Variants in RBM47 observed in about 807,000 individuals in gnomAD.
RBM47 encodes the protein RNA-binding protein 47.
Under a neutral mutation model 47.1 loss-of-function variants are expected in RBM47, and 21 were observed. The ratio of observed to expected loss-of-function variants is 0.45; its 90% confidence interval spans 0.32 to 0.64. RBM47 has a LOEUF of 0.64. RBM47 is among the 30% of genes least tolerant of loss of function. The pLI is 0.05. For missense variants in RBM47, 708 were observed against 870.9 expected (o/e 0.81, Z 2.35); for synonymous variants, 375 against 361.7 (o/e 1.04, Z -0.42).
chr4:40,436,827 C>T (rs756127499), intron 4 of RBM47, 180 bp from the exon 5 acceptor site: 8 of 713,412 alleles, frequency 1.1e-5, no homozygotes, highest in South Asian at 4.4e-5. Flanking sequence ...GATTTGCATC[C>T]TAAGCATGTC....
rs958985879 is a variant in RBM47 at position 40,425,472 on chromosome 4, A to G, written c.*432T>C. 1 of 156,584 alleles carries G rather than the reference A, an allele frequency of 6.4e-6. No individual in the cohort carries two copies. Among genetic ancestry groups the G allele is most frequent in the Non-Finnish European group, 1.4e-5 (1 of 70,390 alleles). The allele number at this position is 156,584 out of a possible 1,614,324, so 9.7% of individuals were successfully genotyped here. ...CTTTAAATATTGTATATATTTTTCA[A>G]AATAGTTCCCTAGCTCCTCAAGTGT... On this transcript the variant is annotated 3_prime_UTR_variant, in exon 7 of 7. Transcript: ENST00000295971.
chr4:40,440,243 A>G (rs920354360), intron 3 of RBM47, among the ~76,000 whole-genome samples: 117 of 152,316 alleles, frequency 7.7e-4, no homozygotes, highest in African/African-American at 2.6e-3. Context: ...TTCCTACCCA[A>G]TGATAGCACA....
chr4:40,590,877 G>A (rs542469817), intron 1 of RBM47, among the ~76,000 whole-genome samples: 9 of 152,254 alleles, frequency 5.9e-5, no homozygotes, highest in South Asian at 2.1e-4. Flanking sequence ...ATCTTGGCTC[G>A]CTGCAATCTC....
intron 3 of RBM47, among the ~76,000 whole-genome samples, chr4:40,465,218 C>T (rs1028501624): frequency 1.3e-5 from 2 of 152,144 alleles, no homozygotes; most frequent in African/African-American, 2.4e-5. Context: ...CCCTCCCTGA[C>T]ACACCAATAT....
At chr4:40,581,843 C>A (rs1313631224) in intron 1 of RBM47, among the ~76,000 whole-genome samples, 1 of 150,758 alleles carries the variant, frequency 6.6e-6, no homozygotes, top group Non-Finnish European at 1.5e-5. Flanking sequence ...CAGCTGTCTC[C>A]TGAACGCCAG....
Position 40,512,921 on chromosome 4 carries a change from TAA to T in RBM47, c.-155+31499_-155+31500del, listed in dbSNP as rs140465313. Among the ~76,000 whole-genome samples the T allele has an allele frequency of 9.5e-3, 1,451 of 152,224 alleles. 8 individuals are homozygous for T. The highest frequency in any genetic ancestry group is 0.037 in the Middle Eastern group (11 of 294). On this transcript the variant is annotated intron_variant, in intron 2 of 6. Transcript: ENST00000295971. ...TTAGATACAGTAAGTATCAAAATCTTAAAAGAGACATAGGAAAACATTAATCC... is the reference window on the plus strand; with the variant it reads ...TTAGATACAGTAAGTATCAAAATCTTAAGAGACATAGGAAAACATTAATCC...
chr4:40,583,383 T>C (rs1381805995), intron 1 of RBM47, among the ~76,000 whole-genome samples: 1 of 77,658 alleles, frequency 1.3e-5, no homozygotes, highest in East Asian at 3.8e-4. Flanking sequence ...CACTACTCCA[T>C]CTCAGAAAAA....
chr4:40,498,054 T>TTTTATATA (rs1553890649), intron 2 of RBM47, among the ~76,000 whole-genome samples: 7 of 109,870 alleles, frequency 6.4e-5, no homozygotes, highest in African/African-American at 2.2e-4. Context: ...AGTGCTTGTT[T>TTTTATATA]TATATATATA....
Position 40,425,412 on chromosome 4 carries a change from C to T in RBM47, c.*492G>A, listed in dbSNP as rs1225894875. 1 of 153,838 alleles carries T rather than the reference C, an allele frequency of 6.5e-6. No individual in the cohort carries two copies. Among genetic ancestry groups the T allele is most frequent in the African/African-American group, 2.4e-5 (1 of 41,394 alleles). 9.5% of individuals were successfully genotyped at this position (153,838 alleles called of 1,614,324 possible). A position where few individuals can be genotyped will look rare whatever the true frequency, so the allele number is the denominator to read the frequency against. ...TTCCAGTATAACCTTTAAAATAATG[C>T]TTTATGTAGTATTTTTAAGCACTAC... is the stretch of plus-strand genomic sequence containing the variant. On this transcript the variant is annotated 3_prime_UTR_variant, in exon 7 of 7. Transcript: ENST00000295971.
intron 3 of RBM47, among the ~76,000 whole-genome samples, chr4:40,456,309 T>C (rs568764803): frequency 6.6e-6 from 1 of 152,210 alleles, no homozygotes; most frequent in Non-Finnish European, 1.5e-5. Flanking sequence ...AAAAACTTTA[T>C]GTGCCAGAAG....
At chr4:40,625,666 C>T (rs1737674699) in intron 1 of RBM47, among the ~76,000 whole-genome samples, 1 of 152,164 alleles carries the variant, frequency 6.6e-6, no homozygotes, top group East Asian at 1.9e-4. Flanking sequence ...GAGGCTCATT[C>T]AGCGTACACC....
At chr4:40,447,133 C>G (rs1014698757) in intron 3 of RBM47, among the ~76,000 whole-genome samples, 1 of 152,142 alleles carries the variant, frequency 6.6e-6, no homozygotes, top group Admixed American at 6.6e-5. Flanking sequence ...ATGCCAAATC[C>G]CCTGAGGTAG....
chr4:40,563,192 A>G (rs1730796355), intron 1 of RBM47, among the ~76,000 whole-genome samples: 1 of 151,930 alleles, frequency 6.6e-6, no homozygotes, highest in African/African-American at 2.4e-5. Context: ...CTCCATCTCA[A>G]AATAAATAAA....
At chr4:40,603,341 T>A (rs1735452211) in intron 1 of RBM47, among the ~76,000 whole-genome samples, 1 of 152,182 alleles carries the variant, frequency 6.6e-6, no homozygotes, top group South Asian at 2.1e-4. Flanking sequence ...ATTTTTTAAT[T>A]CATCTACTAT....
At chr4:40,435,892 C>T (rs1251403594) in intron 5 of RBM47, among the ~76,000 whole-genome samples, 1 of 151,568 alleles carries the variant, frequency 6.6e-6, no homozygotes, top group Non-Finnish European at 1.5e-5. Flanking sequence ...GGCGCAGTGG[C>T]TCACTCCTCT....
rs1406376190 is a variant in RBM47, at chr4:40,438,134, T to C, written c.760A>G (p.Met254Val). The C allele has an allele frequency of 2.5e-6, 4 of 1,612,940 alleles. No homozygotes were observed. The South Asian group carries it at 4.4e-5, about 18-fold the overall frequency. The change falls in exon 4 of 7, where the codon ATG (methionine) becomes GTG (valine). Residue 254 changes from methionine (M) to valine (V), a missense_variant. Transcript: ENST00000295971. ...TVKILYVRNL[M>V]IETTEDTIKK... ...ATGGTGTCCTCGGTGGTCTCGATCATGAGGTTGCGCACGTAGAGGATCTTC... is the reference window on the plus strand; with the variant it reads ...ATGGTGTCCTCGGTGGTCTCGATCACGAGGTTGCGCACGTAGAGGATCTTC...
chr4:40,511,942 AAAAAAAGAAAAG>A (rs1724988937), intron 2 of RBM47, among the ~76,000 whole-genome samples: 1 of 151,848 alleles, frequency 6.6e-6, no homozygotes, highest in African/African-American at 2.4e-5. Flanking sequence ...CTCAAAAAAA[AAAAAAAGAAAAG>A]AAAAAAGAAA....
rs904567130 is a variant in RBM47 at position 40,469,459 on chromosome 4, C to A, written c.-154-2760G>T. 5.1e-4 allele frequency among the ~76,000 whole-genome samples: 70 copies of A among 137,932 alleles called. 1 individual carries two copies. The highest frequency in any genetic ancestry group is 1.8e-3 in the African/African-American group (67 of 36,984). The allele number at this position is 137,932 out of a possible 152,430, so 90.5% of individuals were successfully genotyped here. On this transcript the variant is annotated intron_variant, in intron 2 of 6. Transcript: ENST00000295971. The stretch of plus-strand genomic sequence containing the variant: ...TTTTTTTTTTTTTTTTTTGAGATGG[C>A]GTCTCACTCCATCCCCCAGGCTGGA...
rs771198102 is a variant in RBM47 at position 40,565,012 on chromosome 4, G to A, written c.-239-20506C>T. ...TGAATAGGTCCGGAAGTGAACGTGG[G>A]GACTGAGCAGGGCCTAAGGAAACAC... On this transcript the variant is annotated intron_variant, in intron 1 of 6. Transcript: ENST00000295971. Among the ~76,000 whole-genome samples, 18 of 152,164 alleles carry A rather than the reference G, an allele frequency of 1.2e-4. 1 individual carries two copies. The highest frequency in any genetic ancestry group is 2.0e-4 in the Admixed American group (3 of 15,270).
Sources: gnomAD v4.1 joint callset for allele counts (sites outside exome capture counted in the v4.1 genomes callset) on GRCh38, gnomAD v4.1.1 for gene constraint, MANE v1.5 for transcripts, NCBI Gene and HGNC (gene_info 2026-07-23, HGNC 2026-07-21) for gene names.